The following TBC1D9B variants were observed in gnomAD, a reference collection of about 807,000 sequenced individuals.
TBC1D9B encodes the protein TBC1 domain family member 9B.
A neutral mutation model predicts 121.1 loss-of-function variants in TBC1D9B; 87 were observed. The ratio of observed to expected loss-of-function variants is 0.72; its 90% CI spans 0.60 to 0.86. The LOEUF is 0.86. Among genes scored for constraint, TBC1D9B ranks in the 40% least tolerant of loss-of-function variants. TBC1D9B has a pLI of 0.00. For missense variants in TBC1D9B, 1,540 were observed against 1,628.6 expected, an observed-to-expected ratio of 0.95 and a Z score of 0.94; for synonymous variants, 668 against 670.1, an observed-to-expected ratio of 1.00 and a Z score of 0.05.
rs1293066673 is a variant in TBC1D9B, at chr5:179,894,659, G to T, written c.349-45C>A. 7 of 1,603,396 alleles carry T rather than the reference G, an allele frequency of 4.4e-6. No individual in the cohort carries two copies. In the East Asian group the frequency reaches 1.3e-4, roughly 31 times the overall value. ...CAAGGGCTTGCCCTGCACAGTCCCG[G>T]ACAGGTCAAAGGGTGGAGCAGAGAG... On this transcript the variant is annotated intron_variant, in intron 3 of 20. Transcript: ENST00000355235.
chr5:179,893,888 G>C (rs1037923924), intron 4 of TBC1D9B, among the ~76,000 whole-genome samples: 3 of 152,210 alleles, frequency 2.0e-5, no homozygotes, highest in Non-Finnish European at 4.4e-5. Context: ...AGGGCAGGAG[G>C]GGGCACAGGG....
At chr5:179,879,447 C>A in intron 8 of TBC1D9B, 181 bp downstream of exon 8, 1 of 1,074,214 alleles carries the variant, frequency 9.3e-7, no homozygotes, top group Non-Finnish European at 1.3e-6. Context: ...CTGAGCAGGT[C>A]AGCGGAGCCC....
intron 6 of TBC1D9B, among the ~76,000 whole-genome samples, chr5:179,889,036 C>CTT (rs111357925): frequency 3.4e-5 from 5 of 145,630 alleles, no homozygotes; most frequent in African/African-American, 9.9e-5. Context: ...TGAGTGTGCA[C>CTT]TTTTTTTTTT....
chr5:179,884,092 T>C (rs890694808), intron 7 of TBC1D9B, among the ~76,000 whole-genome samples: 4 of 152,122 alleles, frequency 2.6e-5, no homozygotes, highest in Non-Finnish European at 5.9e-5. Context: ...TTCCCTCACA[T>C]TCTTGATCTT....
In TBC1D9B at chr5:179,873,263, G is replaced by A. The variant is rs1392007978; in HGVS notation, c.2187-15C>T. 2 of 1,590,088 alleles carry A rather than the reference G, an allele frequency of 1.3e-6. No individual in the cohort carries two copies. Among genetic ancestry groups the A allele is most frequent in the South Asian group, 2.3e-5 (2 of 86,860 alleles). The stretch of plus-strand genomic sequence containing the variant: ...TATCCAGGTATCTGCAAAGGACAGA[G>A]GACAACAGTCCAGACCACGCCCAGG... On this transcript the variant is annotated splice_polypyrimidine_tract_variant and intron_variant, in intron 12 of 20. Coordinates refer to ENST00000355235, the MANE Select transcript of TBC1D9B (RefSeq NM_015043.4).
At chr5:179,899,829 T>C (rs1226726883) in intron 2 of TBC1D9B, among the ~76,000 whole-genome samples, 1 of 152,172 alleles carries the variant, frequency 6.6e-6, no homozygotes, top group Non-Finnish European at 1.5e-5. Context: ...GGCGAGTAGC[T>C]ACTGTCCCTC....
chr5:179,899,082 T>C lies in TBC1D9B; in HGVS notation c.348+107A>G, dbSNP rs933484601. On this transcript the variant is annotated intron_variant, in intron 3 of 20. Coordinates refer to ENST00000355235, the MANE Select transcript of TBC1D9B (RefSeq NM_015043.4). ...AGCGCTGACACTTCAGTCTCCACCTTTGTAAAATGGGGACGCACCCTACAT... is the reference window on the plus strand; with the variant it reads ...AGCGCTGACACTTCAGTCTCCACCTCTGTAAAATGGGGACGCACCCTACAT... 6.7e-6 allele frequency: 6 copies of C among 894,812 alleles called. No individual in the cohort carries two copies. The African/African-American group carries it at 8.3e-5, about 12-fold the overall frequency. The allele number at this position is 894,812 out of a possible 1,614,324, so 55.4% of individuals were successfully genotyped here.
intron 3 of TBC1D9B, among the ~76,000 whole-genome samples, chr5:179,898,021 A>G (rs1322078456): frequency 6.6e-6 from 1 of 152,204 alleles, no homozygotes; most frequent in South Asian, 2.1e-4. Flanking sequence ...AAAGAAAAAG[A>G]CATATACATT....
chr5:179,897,978 C>G (rs772224153), intron 3 of TBC1D9B, among the ~76,000 whole-genome samples: 5 of 152,100 alleles, frequency 3.3e-5, no homozygotes, highest in Admixed American at 6.6e-5. Context: ...AAGAGCCCTC[C>G]CATGAATCTA....
intron 2 of TBC1D9B, among the ~76,000 whole-genome samples, chr5:179,903,636 C>T (rs269474): frequency 0.12 from 17,815 of 152,182 alleles, 3,378 homozygotes; most frequent in African/African-American, 0.4. Context: ...TTATTTAATA[C>T]GTATTCCTGA....
chr5:179,862,384 C>T lies in TBC1D9B; in HGVS notation c.*1064G>A, dbSNP rs894117445. 9 of 346,612 alleles carry T rather than the reference C, an allele frequency of 2.6e-5. No individual in the cohort carries two copies. Among genetic ancestry groups the T allele is most frequent in the Non-Finnish European group, 4.8e-5 (8 of 167,288 alleles). 21.5% of individuals were successfully genotyped at this position (346,612 alleles called of 1,614,324 possible). A position where few individuals can be genotyped will look rare whatever the true frequency, so the allele number is the denominator to read the frequency against. The stretch of plus-strand genomic sequence containing the variant: ...TATCCTTGTGGCTCCAGCCCTGGGG[C>T]CCCCTGCGGTCACCTTTGGCTCCAC... On this transcript the variant is annotated 3_prime_UTR_variant, in exon 21 of 21. Coordinates refer to ENST00000355235, the MANE Select transcript of TBC1D9B (RefSeq NM_015043.4).
At position 179,904,774 on chromosome 5, in the gene TBC1D9B, T is replaced by C; in HGVS notation, c.157A>G (p.Ser53Gly). 1 of 1,575,440 alleles carries C rather than the reference T, an allele frequency of 6.3e-7. No individual in the cohort carries two copies. ...VGTLDVVLDS[S>G]ARVAPYRILH... ...ATGCGGTAAGGGGCCACGCGGGCAC[T>C]GGAGTCCAGCACCACGTCCAGGGTG... Residue 53 changes from serine to glycine, a missense_variant, in exon 2 of 21, where the codon AGT becomes GGT. By Grantham distance (56) the Ser-to-Gly change is moderately conservative. Transcript: ENST00000355235. This position sits in a 1 kb window ranked among gnomAD's most constrained non-coding sequence, Gnocchi z 4.2.
rs58537646 is a variant in TBC1D9B, at chr5:179,877,070, CAAAAA to C, written c.1783-1038_1783-1034del. 4.4e-4 allele frequency among the ~76,000 whole-genome samples: 15 copies of C among 34,142 alleles called. No homozygotes were observed. In the Admixed American group the frequency reaches 4.6e-3, roughly 11 times the overall value. The allele number at this position is 34,142 out of a possible 152,430, so 22.4% of individuals were successfully genotyped here. A position where few individuals can be genotyped will look rare whatever the true frequency, so the allele number is the denominator to read the frequency against. On this transcript the variant is annotated intron_variant, in intron 10 of 20. Coordinates refer to ENST00000355235, the MANE Select transcript of TBC1D9B (RefSeq NM_015043.4). ...TGGGCAACAGAAGGAGATCCTGTCT[CAAAAA>C]AAAAAAAAAAAAAAAAAAAAGCCCA... is the stretch of plus-strand genomic sequence containing the variant.
In TBC1D9B at chr5:179,879,778, A is replaced by T; in HGVS notation, c.1266T>A (p.Ala422=). 6.2e-7 allele frequency: 1 copy of T among 1,610,544 alleles called. No individual in the cohort carries two copies. The change falls in exon 8 of 21, where the codon GCT becomes GCA. Residue 422 remains alanine (A), a synonymous_variant. Transcript: ENST00000355235. ...VVDPSTESSP[A]PQEGSEQPAS... is the part of the protein sequence containing the mutation. ...CGGGCTGCTCCGACCCCTCCTGAGG[A>T]GCTGGGGAAGACTAGAAAATAAAAC... is the stretch of plus-strand genomic sequence containing the variant.
chr5:179,881,893 A>G (rs926907197), intron 7 of TBC1D9B, among the ~76,000 whole-genome samples: 2 of 151,804 alleles, frequency 1.3e-5, no homozygotes, highest in Non-Finnish European at 2.9e-5. Flanking sequence ...TTTTTAATTA[A>G]TAAGGCAATC....
rs558823704 is a variant in TBC1D9B, at chr5:179,890,353, C to T, written c.1044+1026G>A. 6.6e-6 allele frequency among the ~76,000 whole-genome samples: 1 copy of T among 152,288 alleles called. No individual in the cohort carries two copies. Among genetic ancestry groups the T allele is most frequent in the East Asian group, 1.9e-4 (1 of 5,174 alleles). ...TCTCTACCATCTGAGATGTCAAGGGCCCGGCAGGAGAAATCCAAACGGAGC... is the reference window on the plus strand; with the variant it reads ...TCTCTACCATCTGAGATGTCAAGGGTCCGGCAGGAGAAATCCAAACGGAGC... On this transcript the variant is annotated intron_variant, in intron 6 of 20. Coordinates refer to ENST00000355235, the MANE Select transcript of TBC1D9B (RefSeq NM_015043.4). This position sits in a 1 kb window ranked among gnomAD's most constrained non-coding sequence, Gnocchi z 5.0.
chr5:179,903,688 C>A (rs978911699), intron 2 of TBC1D9B, among the ~76,000 whole-genome samples: 2 of 152,214 alleles, frequency 1.3e-5, no homozygotes, highest in Admixed American at 6.5e-5. Flanking sequence ...CTATCACTCA[C>A]GCCTGAATGA....
At chr5:179,889,415 G>A (rs1371594773) in intron 6 of TBC1D9B, among the ~76,000 whole-genome samples, 1 of 148,542 alleles carries the variant, frequency 6.7e-6, no homozygotes, top group African/African-American at 2.6e-5. Context: ...CGCACAGAAG[G>A]CCTCACAGGT....
At position 179,887,185 on chromosome 5, in the gene TBC1D9B, G is replaced by A. The variant is rs199838381; in HGVS notation, c.1254+918C>T. Among the ~76,000 whole-genome samples the A allele has an allele frequency of 1.0e-3, 158 of 152,346 alleles. 2 individuals carry two copies. Among genetic ancestry groups the A allele is most frequent in the Admixed American group, 1.6e-3 (24 of 15,310 alleles). On this transcript the variant is annotated intron_variant, in intron 7 of 20. Transcript: ENST00000355235. ...GAGAATTTCAGCTCCCAGACGAAAGGAGGAATGGAATGAGCATGCCGCTGG... is the reference window on the plus strand; with the variant it reads ...GAGAATTTCAGCTCCCAGACGAAAGAAGGAATGGAATGAGCATGCCGCTGG...
Sources: gnomAD v4.1 joint callset for allele counts (sites outside exome capture counted in the v4.1 genomes callset) on GRCh38, gnomAD v4.1.1 for gene constraint, Gnocchi (gnomAD v3.1) non-coding constraint, MANE v1.5 for transcripts, NCBI Gene and HGNC (gene_info 2026-07-23, HGNC 2026-07-21) for gene names.